The following GRIK4 variants were observed in gnomAD, a reference collection of about 807,000 sequenced individuals.
GRIK4 encodes glutamate receptor ionotropic, kainate 4.
In GRIK4, 40 loss-of-function variants were observed where a neutral mutation model predicts 104.9. The observed-to-expected ratio is 0.38, with a 90% CI of 0.30 to 0.50. The LOEUF (loss-of-function observed/expected upper bound fraction) is 0.50, where lower values mean the gene tolerates loss of function less well. Ranked by LOEUF, GRIK4 falls within the 20% of genes least tolerant of loss-of-function variation. GRIK4 has a pLI of 0.93. For missense variants in GRIK4, 1,047 were observed against 1,308.1 expected (o/e 0.80, Z 3.08); for synonymous variants, 485 against 524.9 (o/e 0.92, Z 1.04).
At position 120,905,512 on chromosome 11, in the gene GRIK4, A is replaced by T. The variant is rs760280056; in HGVS notation, c.1476+19A>T. 3 of 655,284 alleles carry T rather than the reference A, an allele frequency of 4.6e-6. No homozygotes were observed. Among genetic ancestry groups the T allele is most frequent in the Non-Finnish European group, 7.7e-6 (3 of 387,756 alleles). 40.6% of individuals were successfully genotyped at this position (655,284 alleles called of 1,614,324 possible). On this transcript the variant is annotated intron_variant, in intron 13 of 20. Coordinates refer to ENST00000527524, the MANE Select transcript of GRIK4 (RefSeq NM_014619.5). The surrounding 1 kb of genome is among the most constrained non-coding windows in gnomAD (Gnocchi z 5.1). ...CGCTAGGGTAAGGAGAGGACAAGTG[A>T]TCTGGGCCTGAGGGTGGGCTGGGAG... is the stretch of plus-strand genomic sequence containing the variant.
At chr11:120,792,308 G>A (rs1049186979) in intron 3 of GRIK4, among the ~76,000 whole-genome samples, 1 of 151,784 alleles carries the variant, frequency 6.6e-6, no homozygotes, top group Admixed American at 6.6e-5. Flanking sequence ...AGAAGGTAGA[G>A]AGGGATGAGC....
chr11:120,969,324 T>C (rs1944435941), intron 19 of GRIK4, among the ~76,000 whole-genome samples: 1 of 152,044 alleles, frequency 6.6e-6, no homozygotes. Context: ...TTGGATAGAA[T>C]GAACTGGATT....
At chr11:120,730,517 T>C (rs1405344972) in intron 3 of GRIK4, among the ~76,000 whole-genome samples, 1 of 152,206 alleles carries the variant, frequency 6.6e-6, no homozygotes. Flanking sequence ...TCCAGTTTTG[T>C]TGTTTTTGCT....
chr11:120,890,631 A>G (rs1955261440), intron 11 of GRIK4, among the ~76,000 whole-genome samples: 1 of 152,122 alleles, frequency 6.6e-6, no homozygotes, highest in African/African-American at 2.4e-5. Flanking sequence ...TCTGAGTCTC[A>G]CTTTCATTCA....
intron 3 of GRIK4, among the ~76,000 whole-genome samples, chr11:120,789,239 T>A (rs1445369959): frequency 6.6e-6 from 1 of 152,136 alleles, no homozygotes. Flanking sequence ...GCCCCGAACT[T>A]AATAAATACT....
Position 120,518,827 on chromosome 11 carries a change from C to G in GRIK4, c.-159+6940C>G, listed in dbSNP as rs971933898. ...GTAGATACCAGGTTTCACCATGGAC[C>G]AGGCTGGTCTCAAACTCGTGACCTC... On this transcript the variant is annotated intron_variant, in intron 1 of 20. Transcript: ENST00000527524. 5.9e-5 allele frequency among the ~76,000 whole-genome samples: 9 copies of G among 152,130 alleles called. No homozygotes were observed. In the East Asian group the frequency reaches 1.2e-3, roughly 20 times the overall value.
rs74825931 is a variant in GRIK4, at chr11:120,946,965, G to A, written c.1591-5890G>A. Among the ~76,000 whole-genome samples the A allele has an allele frequency of 1.0e-2, 1,516 of 152,254 alleles. 22 individuals carry two copies. Among genetic ancestry groups the A allele is most frequent in the African/African-American group, 0.034 (1,412 of 41,536 alleles). On this transcript the variant is annotated intron_variant, in intron 14 of 20. Coordinates refer to ENST00000527524, the MANE Select transcript of GRIK4 (RefSeq NM_014619.5). ...ACCCGAGACTCCCTGGAAAATGTGAGCTTACCATTTTCCCTCCATACCAAC... is the reference window on the plus strand; with the variant it reads ...ACCCGAGACTCCCTGGAAAATGTGAACTTACCATTTTCCCTCCATACCAAC...
At chr11:120,583,069 G>A (rs1203805495) in intron 1 of GRIK4, among the ~76,000 whole-genome samples, 6 of 152,156 alleles carry the variant, frequency 3.9e-5, no homozygotes, top group East Asian at 3.9e-4. Flanking sequence ...AGATGATATC[G>A]CCTTGCGGTT....
chr11:120,862,127 AC>A lies in GRIK4; in HGVS notation c.906+10del. 1.2e-6 allele frequency: 2 copies of A among 1,612,224 alleles called. No individual in the cohort carries two copies. Among genetic ancestry groups the A allele is most frequent in the Non-Finnish European group, 1.7e-6 (2 of 1,179,238 alleles). ...GCCCTTCACTGGGCCTGCGGTAAGT[AC>A]CCGCCAGAGCTCTTCCTGGTGCCCC... On this transcript the variant is annotated splice_region_variant and intron_variant, in intron 9 of 20. Transcript: ENST00000527524.
At chr11:120,780,270 A>G (rs555026263) in intron 3 of GRIK4, among the ~76,000 whole-genome samples, 1 of 152,230 alleles carries the variant, frequency 6.6e-6, no homozygotes, top group African/African-American at 2.4e-5. Flanking sequence ...TATCTCCAGA[A>G]TTCTTTTTGT....
At chr11:120,721,470 G>A (rs1162075996) in intron 3 of GRIK4, among the ~76,000 whole-genome samples, 2 of 152,198 alleles carry the variant, frequency 1.3e-5, no homozygotes, top group Non-Finnish European at 2.9e-5. Context: ...TTCCCAAGAG[G>A]AGGGACCATG....
rs544236105 is a variant in GRIK4 at position 120,536,753 on chromosome 11, A to G, written c.-159+24866A>G. On this transcript the variant is annotated intron_variant, in intron 1 of 20. Coordinates refer to ENST00000527524, the MANE Select transcript of GRIK4 (RefSeq NM_014619.5). Reference sequence around the variant, plus strand: ...CTACCGGATGAGTGGGGAGTGATCAATAGGAAGAACAATGGACCCACACCA... The same window carrying G: ...CTACCGGATGAGTGGGGAGTGATCAGTAGGAAGAACAATGGACCCACACCA... Among the ~76,000 whole-genome samples the G allele has an allele frequency of 1.2e-4, 18 of 152,314 alleles. No individual in the cohort carries two copies. In the South Asian group the frequency reaches 3.5e-3, roughly 30 times the overall value.
intron 1 of GRIK4, among the ~76,000 whole-genome samples, chr11:120,597,205 A>G (rs1334628264): frequency 2.7e-5 from 2 of 74,922 alleles, no homozygotes; most frequent in Non-Finnish European, 7.7e-5. Context: ...AGGCAGCTCC[A>G]CTCACCTTGC....
In GRIK4 at chr11:120,690,780, A is replaced by G. The variant is rs533995758; in HGVS notation, c.82+30380A>G. The stretch of plus-strand genomic sequence containing the variant: ...CCAATGTTCCTAAGGCCCAGATTTA[A>G]CTTTCTCTTATTTTAGTTTCAGGCC... On this transcript the variant is annotated intron_variant, in intron 3 of 20. Transcript: ENST00000527524. Among the ~76,000 whole-genome samples, 45 of 152,210 alleles carry G rather than the reference A, an allele frequency of 3.0e-4. 1 individual carries two copies. The highest frequency in any genetic ancestry group is 1.1e-3 in the African/African-American group (45 of 41,526).
intron 3 of GRIK4, among the ~76,000 whole-genome samples, chr11:120,718,542 C>A (rs1224146852): frequency 1.3e-5 from 2 of 152,246 alleles, no homozygotes; most frequent in Admixed American, 1.3e-4. Flanking sequence ...GGACACTTAA[C>A]CTCCAGCCGC....
At chr11:120,794,453 C>A (rs555049457) in intron 3 of GRIK4, among the ~76,000 whole-genome samples, 2 of 151,970 alleles carry the variant, frequency 1.3e-5, no homozygotes, top group Admixed American at 6.5e-5. Flanking sequence ...AGCCCCACCC[C>A]CTAAGACATC....
chr11:120,797,034 C>A (rs970406129), intron 3 of GRIK4, among the ~76,000 whole-genome samples: 2 of 152,120 alleles, frequency 1.3e-5, no homozygotes, highest in Non-Finnish European at 2.9e-5. Context: ...GGGTGAAGTT[C>A]TTGGGGCTCA....
chr11:120,581,981 A>G (rs1327777034), intron 1 of GRIK4, among the ~76,000 whole-genome samples: 1 of 151,660 alleles, frequency 6.6e-6, no homozygotes, highest in Non-Finnish European at 1.5e-5. Flanking sequence ...TAACTTTTTA[A>G]TATTTTTAGT....
At chr11:120,514,414 A>G (rs560070376) in intron 1 of GRIK4, among the ~76,000 whole-genome samples, 16 of 152,270 alleles carry the variant, frequency 1.1e-4, no homozygotes, top group Admixed American at 9.2e-4. Context: ...TGCCTCATCC[A>G]AGGCTCCACA....
Sources: allele counts gnomAD v4.1 joint callset (sites outside exome capture counted in the v4.1 genomes callset), GRCh38; gene constraint gnomAD v4.1.1; non-coding constraint Gnocchi (gnomAD v3.1); transcripts MANE v1.5; gene names NCBI Gene and HGNC (gene_info 2026-07-23, HGNC 2026-07-21).